Variants in ZFHX3 observed in about 807,000 individuals in gnomAD.
ZFHX3 encodes zinc finger homeobox protein 3.
ZFHX3 carries 42 observed loss-of-function variants against 279.1 expected under a neutral mutation model. The ratio of observed to expected loss-of-function variants is 0.15; its 90% CI spans 0.12 to 0.19. The LOEUF (loss-of-function observed/expected upper bound fraction) is 0.19, where lower values mean the gene tolerates loss of function less well. Among genes scored for constraint, ZFHX3 ranks in the 10% least tolerant of loss-of-function variants. The probability of loss-of-function intolerance (pLI) is 1.00; values close to 1 mark genes in which losing one functional copy is unlikely to be tolerated. For missense variants in ZFHX3, 4,981 were observed against 4,754.0 expected, an observed-to-expected ratio of 1.05 and a Z score of -1.40; for synonymous variants, 2,293 against 1,957.8, an observed-to-expected ratio of 1.17 and a Z score of -4.52.
intron 4 of ZFHX3, among the ~76,000 whole-genome samples, chr16:73,262,323 TTG>T (rs1276308277): frequency 1.3e-5 from 2 of 152,200 alleles, no homozygotes; most frequent in Non-Finnish European, 2.9e-5. Context: ...TTAATGCATT[TTG>T]TGATCCCATA....
intron 2 of ZFHX3, among the ~76,000 whole-genome samples, chr16:73,656,507 G>T (rs1597050505): frequency 6.6e-6 from 1 of 152,320 alleles, no homozygotes; most frequent in East Asian, 1.9e-4. Context: ...GTTGGGATGG[G>T]AGAAGAAATC....
chr16:73,644,442 C>T (rs1256705075), intron 2 of ZFHX3, among the ~76,000 whole-genome samples: 3 of 151,884 alleles, frequency 2.0e-5, no homozygotes, highest in East Asian at 1.9e-4. Context: ...GGCAGATTAC[C>T]TGAGGTCAGG....
At chr16:73,439,767 G>T (rs1237776001) in intron 3 of ZFHX3, among the ~76,000 whole-genome samples, 1 of 151,748 alleles carries the variant, frequency 6.6e-6, no homozygotes, top group Non-Finnish European at 1.5e-5. Context: ...CTCTTTACGG[G>T]TGCTCCTTGG....
At chr16:73,381,552 G>C (rs1479388210) in intron 3 of ZFHX3, among the ~76,000 whole-genome samples, 3 of 152,162 alleles carry the variant, frequency 2.0e-5, no homozygotes, top group Non-Finnish European at 2.9e-5. Context: ...ATTTCACAGG[G>C]CAGAAAGTGA....
chr16:73,485,881 G>T (rs1041052618), intron 2 of ZFHX3, among the ~76,000 whole-genome samples: 1 of 152,052 alleles, frequency 6.6e-6, no homozygotes, highest in Non-Finnish European at 1.5e-5. Context: ...CCTACCATCT[G>T]CTCTCAAGTG....
chr16:73,824,396 TA>T (rs1212414661), intron 1 of ZFHX3, among the ~76,000 whole-genome samples: 3 of 138,912 alleles, frequency 2.2e-5, no homozygotes, highest in Non-Finnish European at 3.1e-5. Flanking sequence ...TTTTTTTTTT[TA>T]ATGTTTTTTT....
intron 2 of ZFHX3, among the ~76,000 whole-genome samples, chr16:73,634,210 A>C (rs1406421141): frequency 6.6e-6 from 1 of 151,744 alleles, no homozygotes; most frequent in Non-Finnish European, 1.5e-5. Flanking sequence ...TAAAATTGGG[A>C]AATTATCATG....
chr16:73,820,007 G>A (rs1036462987), intron 1 of ZFHX3, among the ~76,000 whole-genome samples: 2 of 152,276 alleles, frequency 1.3e-5, no homozygotes, highest in South Asian at 2.1e-4. Flanking sequence ...AAGGAGGTGA[G>A]GTTTCTTTCT....
In ZFHX3 at chr16:72,919,261, C is replaced by T. The variant is rs112189305; in HGVS notation, c.3217-29299G>A. Among the ~76,000 whole-genome samples the T allele has an allele frequency of 2.0e-3, 299 of 151,924 alleles. 1 individual carries two copies. The highest frequency in any genetic ancestry group is 3.5e-3 in the Non-Finnish European group (241 of 67,958). ...GCAGCCTGGAACTCCCAGGCTCAAG[C>T]GATTCTCCCACCTCAGCCTCCCAAG... On this transcript the variant is annotated intron_variant, in intron 3 of 9. Transcript: ENST00000268489.
intron 4 of ZFHX3, among the ~76,000 whole-genome samples, chr16:73,316,659 C>T (rs1258972004): frequency 6.6e-6 from 1 of 152,178 alleles, no homozygotes; most frequent in Non-Finnish European, 1.5e-5. Flanking sequence ...TCCACTAGAT[C>T]TAGTACTTTG....
upstream of ZFHX3, among the ~76,000 whole-genome samples, chr16:73,049,740 G>T (rs2144724523): frequency 6.6e-6 from 1 of 152,284 alleles, no homozygotes; most frequent in South Asian, 2.1e-4. Flanking sequence ...GAGCCAACAG[G>T]GAAGGTGGAG....
intron 2 of ZFHX3, among the ~76,000 whole-genome samples, chr16:73,481,165 T>C (rs913744493): frequency 2.6e-5 from 4 of 151,874 alleles, no homozygotes; most frequent in Admixed American, 6.6e-5. Flanking sequence ...CCTGACTCTA[T>C]TAAAAATACA....
At chr16:72,872,523 T>C (rs1425514822) in intron 4 of ZFHX3, among the ~76,000 whole-genome samples, 2 of 152,134 alleles carry the variant, frequency 1.3e-5, no homozygotes, top group Non-Finnish European at 2.9e-5. Context: ...AGTGGGGTGA[T>C]CTTGGCTCAC....
At position 73,743,772 on chromosome 16, in the gene ZFHX3, T is replaced by C. The variant is rs184224436; in HGVS notation, c.-1607-63532A>G. Among the ~76,000 whole-genome samples the C allele has an allele frequency of 2.3e-3, 345 of 152,298 alleles. 2 individuals carry two copies. The highest frequency in any genetic ancestry group is 3.4e-3 in the Middle Eastern group (1 of 294). On this transcript the variant is annotated intron_variant, in intron 1 of 17. Coordinates refer to the ZFHX3 transcript ENST00000641206. ...GGAATATTACACTTACCATTGGTATTCCACGCTGTCACCTGGAAAGAAATG... is the reference window on the plus strand; with the variant it reads ...GGAATATTACACTTACCATTGGTATCCCACGCTGTCACCTGGAAAGAAATG...
intron 1 of ZFHX3, among the ~76,000 whole-genome samples, chr16:73,029,662 G>A (rs947270476): frequency 9.2e-5 from 14 of 152,182 alleles, no homozygotes; most frequent in Non-Finnish European, 1.6e-4. Flanking sequence ...TCGGACAAAC[G>A]ATTTGCTCAC....
At chr16:72,921,359 G>A (rs1395914995) in intron 3 of ZFHX3, among the ~76,000 whole-genome samples, 2 of 152,182 alleles carry the variant, frequency 1.3e-5, no homozygotes, top group African/African-American at 2.4e-5. Flanking sequence ...GGCGAAAAAT[G>A]CTTGCGGCTT....
intron 2 of ZFHX3, among the ~76,000 whole-genome samples, chr16:73,662,467 C>G (rs2052795626): frequency 7.3e-6 from 1 of 137,814 alleles, no homozygotes; most frequent in Non-Finnish European, 1.6e-5. Context: ...TGTCAGAAAA[C>G]ACTTTCGATT....
At chr16:73,219,773 G>A (rs118055506) in intron 5 of ZFHX3, among the ~76,000 whole-genome samples, 9 of 152,302 alleles carry the variant, frequency 5.9e-5, no homozygotes, top group Non-Finnish European at 1.2e-4. Context: ...CAGGAAACTG[G>A]GCAAGACTTC....
At chr16:72,977,871 C>CT (rs549728369) in intron 1 of ZFHX3, among the ~76,000 whole-genome samples, 9,203 of 148,132 alleles carry the variant, frequency 0.062, 301 homozygotes, top group Non-Finnish European at 0.076. Context: ...TTTCTTTTTT[C>CT]TTTTTTTTTT....
Sources: gnomAD v4.1 joint callset for allele counts (sites outside exome capture counted in the v4.1 genomes callset) on GRCh38, gnomAD v4.1.1 for gene constraint, MANE v1.5 for transcripts, NCBI Gene and HGNC (gene_info 2026-07-23, HGNC 2026-07-21) for gene names.